The following CASD1 variants were observed in gnomAD, a reference collection of about 807,000 sequenced individuals.
CASD1 encodes N-acetylneuraminate (7)9-O-acetyltransferase.
In CASD1, 41 loss-of-function variants were observed where a neutral mutation model predicts 100.0. The ratio of observed to expected loss-of-function variants is 0.41; its 90% confidence interval spans 0.32 to 0.53. The LOEUF is 0.53. Ranked by LOEUF, CASD1 falls within the 20% of genes least tolerant of loss-of-function variation. CASD1 has a pLI of 0.25. For missense variants in CASD1, 774 were observed against 948.7 expected, an observed-to-expected ratio of 0.82 and a Z score of 2.42; for synonymous variants, 321 against 315.6, an observed-to-expected ratio of 1.02 and a Z score of -0.18.
chr7:94,550,076 C>A (rs9641137), intron 14 of CASD1, among the ~76,000 whole-genome samples: 80,249 of 151,810 alleles, frequency 0.53, 21,993 homozygotes, highest in South Asian at 0.73. Context: ...TTATAAGAGG[C>A]TACTAACTAT....
the CASD1 span, among the ~76,000 whole-genome samples, chr7:94,566,181 G>A: frequency 6.6e-6 from 1 of 152,100 alleles, no homozygotes; most frequent in Admixed American, 6.6e-5. Flanking sequence ...ACAAATGAAT[G>A]CAGAAATTTA....
intron 3 of CASD1, among the ~76,000 whole-genome samples, chr7:94,526,685 TGGGA>T (rs1221097140): frequency 2.0e-5 from 3 of 151,986 alleles, no homozygotes; most frequent in African/African-American, 7.2e-5. Flanking sequence ...CCTAGCCACT[TGGGA>T]GGCTGAGGTG....
chr7:94,510,069 T>C lies in CASD1; in HGVS notation c.-16T>C, dbSNP rs200072879. 174 of 1,511,678 alleles carry C rather than the reference T, an allele frequency of 1.2e-4. No homozygotes were observed. In the African/African-American group the frequency reaches 2.4e-3, roughly 20 times the overall value. 93.6% of individuals were successfully genotyped at this position (1,511,678 alleles called of 1,614,324 possible). ...TTTCCCGCTCCGCCGCGCACTGTTG[T>C]CATGGAGGAACCAAGATGGCGGCTC... On this transcript the variant is annotated 5_prime_UTR_variant, in exon 1 of 18. Transcript: ENST00000297273.
At chr7:94,568,926 A>G in the CASD1 span, among the ~76,000 whole-genome samples, 1 of 152,174 alleles carries the variant, frequency 6.6e-6, no homozygotes, top group Admixed American at 6.5e-5. Flanking sequence ...TGAGAAATAA[A>G]TTTCTGTTGT....
the CASD1 span, among the ~76,000 whole-genome samples, chr7:94,581,517 G>A: frequency 1.9e-3 from 292 of 152,016 alleles, no homozygotes; most frequent in South Asian, 4.6e-3. Context: ...TTCCTGATCC[G>A]CTCTGTCCTC....
At chr7:94,599,070 G>A in the CASD1 span, 3 of 787,062 alleles carry the variant, frequency 3.8e-6, no homozygotes, top group Non-Finnish European at 6.2e-6. Context: ...AAAATAATAA[G>A]ACATTATGGC....
chr7:94,619,507 C>T, the CASD1 span: 1 of 152,264 alleles, frequency 6.6e-6, no homozygotes, highest in Admixed American at 6.5e-5. Flanking sequence ...TGATTAACAT[C>T]TTAAAACAAC....
the CASD1 span, chr7:94,590,005 TAAC>T: frequency 6.6e-6 from 1 of 152,194 alleles, no homozygotes; most frequent in Admixed American, 6.5e-5. Flanking sequence ...GTCATTTAAA[TAAC>T]ACACATTTCA....
chr7:94,544,619 A>T (rs1795586995), intron 11 of CASD1, 89 bp downstream of exon 11: 1 of 1,299,186 alleles, frequency 7.7e-7, no homozygotes, highest in African/African-American at 1.5e-5. Context: ...AAATATAGTC[A>T]TTATAAGACT....
chr7:94,536,906 A>G (rs1055462887), intron 8 of CASD1, among the ~76,000 whole-genome samples: 5 of 152,214 alleles, frequency 3.3e-5, no homozygotes, highest in African/African-American at 4.8e-5. Context: ...TAAATGGCCT[A>G]TAAACTGTAA....
the CASD1 span, among the ~76,000 whole-genome samples, chr7:94,604,029 T>C: frequency 5.3e-5 from 8 of 152,150 alleles, no homozygotes; most frequent in African/African-American, 9.6e-5. Flanking sequence ...CAATCTTTTA[T>C]CTAAGACATT....
At chr7:94,585,459 G>T in the CASD1 span, 4 of 1,578,236 alleles carry the variant, frequency 2.5e-6, no homozygotes, top group Admixed American at 5.0e-5. Flanking sequence ...CTGCTATATT[G>T]TCTGATTATA....
the CASD1 span, among the ~76,000 whole-genome samples, chr7:94,576,100 A>C: frequency 2.6e-5 from 4 of 152,130 alleles, no homozygotes; most frequent in African/African-American, 9.7e-5. Context: ...TCTCCTTCTG[A>C]GATTCCCATT....
downstream of CASD1, among the ~76,000 whole-genome samples, chr7:94,560,411 G>C (rs1405033252): frequency 6.6e-6 from 1 of 152,162 alleles, no homozygotes. Flanking sequence ...GAAGTCTGAG[G>C]AATCCAGTAC....
At chr7:94,613,815 A>T in the CASD1 span, among the ~76,000 whole-genome samples, 1 of 152,172 alleles carries the variant, frequency 6.6e-6, no homozygotes, top group African/African-American at 2.4e-5. Flanking sequence ...TATATGTTAC[A>T]TGTTGCCTGG....
At chr7:94,600,513 T>G in the CASD1 span, 2 of 677,086 alleles carry the variant, frequency 3.0e-6, no homozygotes, top group Non-Finnish European at 5.2e-6. Flanking sequence ...AATAAAGTAT[T>G]GCAGTTTGGA....
chr7:94,545,700 C>T lies in CASD1; in HGVS notation c.1632C>T (p.Asn544=), dbSNP rs376448411. 1.2e-5 allele frequency: 19 copies of T among 1,573,442 alleles called. 1 individual carries two copies. Among genetic ancestry groups the T allele is most frequent in the East Asian group, 4.5e-5 (2 of 44,418 alleles). ...LWPQIIQKKA[N]GNCFWHFGLL... ...CACAAATAATCCAAAAAAAAGCAAA[C>T]GGTAAATATACTTTCTTACTAATGT... Residue 544 remains asparagine (N), a splice_region_variant and synonymous_variant, in exon 12 of 18, where the codon AAC becomes AAT. Transcript: ENST00000297273.
the CASD1 span, among the ~76,000 whole-genome samples, chr7:94,566,031 G>T: frequency 6.6e-6 from 1 of 152,156 alleles, no homozygotes; most frequent in African/African-American, 2.4e-5. Flanking sequence ...CTCTAGTACC[G>T]CTTCCATGCC....
chr7:94,596,203 T>C, the CASD1 span, among the ~76,000 whole-genome samples: 2 of 152,120 alleles, frequency 1.3e-5, no homozygotes, highest in South Asian at 4.1e-4. Context: ...GAAAGATCCA[T>C]TTGGTGTAAA....
Sources: allele counts gnomAD v4.1 joint callset (sites outside exome capture counted in the v4.1 genomes callset), GRCh38; gene constraint gnomAD v4.1.1; transcripts MANE v1.5; gene names NCBI Gene and HGNC (gene_info 2026-07-23, HGNC 2026-07-21).